IMMP2L: variants seen among roughly 807,000 people sequenced by gnomAD.
IMMP2L encodes the protein mitochondrial inner membrane protease subunit 2.
Under a neutral mutation model 19.3 loss-of-function variants are expected in IMMP2L, and 18 were observed. The ratio of observed to expected loss-of-function variants is 0.93; its 90% CI spans 0.64 to 1.38. The LOEUF (loss-of-function observed/expected upper bound fraction) is 1.38, where lower values mean the gene tolerates loss of function less well. Ranked by LOEUF, IMMP2L falls within the 40% of genes most tolerant of loss-of-function variation. The pLI is 0.00. For synonymous variants in IMMP2L, 76 were observed against 73.0 expected, an observed-to-expected ratio of 1.04 and a Z score of -0.21; for missense variants, 233 against 218.2, an observed-to-expected ratio of 1.07 and a Z score of -0.43.
chr7:111,534,451 T>TATC (rs373027902), intron 1 of IMMP2L, among the ~76,000 whole-genome samples: 9 of 152,176 alleles, frequency 5.9e-5, no homozygotes, highest in African/African-American at 9.6e-5. Flanking sequence ...TCGTCATCCT[T>TATC]ATCATCATCA....
rs771435951 is a variant in IMMP2L at position 110,662,715 on chromosome 7, T to A, written c.*887A>T. On this transcript the variant is annotated 3_prime_UTR_variant, in exon 6 of 6. Coordinates refer to ENST00000405709, the MANE Select transcript of IMMP2L (RefSeq NM_032549.4). Reference sequence around the variant, plus strand: ...TATGATTCTACTGTAACTTTGCAATTGGTGATTTCAGTATTACAGACGTGA... The same window carrying A: ...TATGATTCTACTGTAACTTTGCAATAGGTGATTTCAGTATTACAGACGTGA... Among the ~76,000 whole-genome samples, 1 of 152,206 alleles carries A rather than the reference T, an allele frequency of 6.6e-6. No homozygotes were observed. The highest frequency in any genetic ancestry group is 2.4e-5 in the African/African-American group (1 of 41,446).
chr7:110,722,367 A>G (rs1030899809), intron 5 of IMMP2L, among the ~76,000 whole-genome samples: 3 of 152,080 alleles, frequency 2.0e-5, no homozygotes, highest in Non-Finnish European at 4.4e-5. Flanking sequence ...TCTTTAAGAG[A>G]TGTACCATCT....
In IMMP2L at chr7:111,223,119, A is replaced by G. The variant is rs536052289; in HGVS notation, c.240-259554T>C. ...TATTAAAACATGAAAAACACTATAT[A>G]TATTTATCAATACAAATATATGTAT... On this transcript the variant is annotated intron_variant, in intron 3 of 5. Coordinates refer to ENST00000405709, the MANE Select transcript of IMMP2L (RefSeq NM_032549.4). 3.3e-5 allele frequency among the ~76,000 whole-genome samples: 5 copies of G among 152,202 alleles called. No individual in the cohort carries two copies. In the East Asian group the frequency reaches 9.6e-4, roughly 29 times the overall value.
intron 4 of IMMP2L, among the ~76,000 whole-genome samples, chr7:110,954,317 G>C (rs1006603411): frequency 9.9e-5 from 15 of 152,116 alleles, no homozygotes; most frequent in Non-Finnish European, 2.1e-4. Context: ...CAATTCTCTT[G>C]TTATATTCCT....
chr7:111,188,429 G>T (rs576193198), intron 3 of IMMP2L, among the ~76,000 whole-genome samples: 2 of 152,178 alleles, frequency 1.3e-5, no homozygotes, highest in Admixed American at 1.3e-4. Context: ...TGGCAGAAAG[G>T]GGGCAACAGA....
At chr7:111,253,053 A>G (rs1174120411) in intron 3 of IMMP2L, among the ~76,000 whole-genome samples, 1 of 152,116 alleles carries the variant, frequency 6.6e-6, no homozygotes, top group East Asian at 1.9e-4. Flanking sequence ...AGTGTTTCCA[A>G]CTTTATCATA....
intron 3 of IMMP2L, among the ~76,000 whole-genome samples, chr7:111,315,005 G>C (rs1045560675): frequency 2.6e-5 from 4 of 152,082 alleles, no homozygotes; most frequent in African/African-American, 9.6e-5. Flanking sequence ...AAGTAAATCG[G>C]GAGGAAAATA....
chr7:110,928,521 C>A (rs1815120328), intron 4 of IMMP2L, among the ~76,000 whole-genome samples: 2 of 144,392 alleles, frequency 1.4e-5, no homozygotes, highest in Admixed American at 6.9e-5. Context: ...GTTCAGTGTA[C>A]ACACACATAC....
intron 3 of IMMP2L, among the ~76,000 whole-genome samples, chr7:111,472,575 T>G (rs780620432): frequency 9.9e-5 from 15 of 152,142 alleles, no homozygotes; most frequent in Non-Finnish European, 2.2e-4. Context: ...CCAAAATATT[T>G]AGCTGTAATT....
chr7:111,116,348 AAG>A (rs1799877661), intron 3 of IMMP2L, among the ~76,000 whole-genome samples: 1 of 152,228 alleles, frequency 6.6e-6, no homozygotes. Flanking sequence ...TAATGATAAT[AAG>A]AGGATTTTTG....
At chr7:110,883,917 G>A (rs1013534167) in intron 5 of IMMP2L, among the ~76,000 whole-genome samples, 3 of 151,934 alleles carry the variant, frequency 2.0e-5, no homozygotes, top group African/African-American at 7.2e-5. Context: ...GCCATAGAAA[G>A]AATCACATTT....
chr7:111,533,216 A>G (rs879792136), intron 1 of IMMP2L, among the ~76,000 whole-genome samples: 2 of 152,188 alleles, frequency 1.3e-5, no homozygotes, highest in Admixed American at 6.6e-5. Context: ...TCCAGGTATT[A>G]TAACGAGCCT....
intron 2 of IMMP2L, among the ~76,000 whole-genome samples, chr7:111,499,955 G>A (rs895918168): frequency 1.3e-5 from 2 of 152,176 alleles, no homozygotes; most frequent in African/African-American, 4.8e-5. Context: ...CAGACAGCAG[G>A]TGCAGGACAG....
chr7:110,821,522 T>G (rs755985368), intron 5 of IMMP2L, among the ~76,000 whole-genome samples: 14 of 152,128 alleles, frequency 9.2e-5, no homozygotes, highest in Non-Finnish European at 1.9e-4. Context: ...TGGGTAGTTT[T>G]ACAAAATTTG....
chr7:110,809,558 T>C (rs761179821), intron 5 of IMMP2L, among the ~76,000 whole-genome samples: 2 of 152,038 alleles, frequency 1.3e-5, no homozygotes, highest in Non-Finnish European at 2.9e-5. Flanking sequence ...TAAAAGACTA[T>C]GTTACATACT....
chr7:110,931,786 T>C (rs975452196), intron 4 of IMMP2L, among the ~76,000 whole-genome samples: 1 of 152,158 alleles, frequency 6.6e-6, no homozygotes, highest in Non-Finnish European at 1.5e-5. Flanking sequence ...AGAATTTACA[T>C]AGTCTGATCC....
At chr7:111,131,568 T>C (rs920141554) in intron 3 of IMMP2L, among the ~76,000 whole-genome samples, 3 of 151,850 alleles carry the variant, frequency 2.0e-5, no homozygotes, top group Non-Finnish European at 4.4e-5. Context: ...AAAGAAGAGG[T>C]GTGGGAAAAT....
intron 4 of IMMP2L, among the ~76,000 whole-genome samples, chr7:110,906,969 G>A (rs1459330539): frequency 6.6e-6 from 1 of 152,030 alleles, no homozygotes; most frequent in African/African-American, 2.4e-5. Flanking sequence ...CAGGTGAGCA[G>A]GTACAGGAGC....
intron 3 of IMMP2L, among the ~76,000 whole-genome samples, chr7:111,317,631 A>C (rs532856964): frequency 6.6e-6 from 1 of 152,214 alleles, no homozygotes; most frequent in East Asian, 1.9e-4. Flanking sequence ...AAAAATCAAC[A>C]ATTTGTCTTC....
Sources: allele counts gnomAD v4.1 joint callset (sites outside exome capture counted in the v4.1 genomes callset), GRCh38; gene constraint gnomAD v4.1.1; transcripts MANE v1.5; gene names NCBI Gene and HGNC (gene_info 2026-07-23, HGNC 2026-07-21).